The following PXDNL variants were observed in gnomAD, a reference collection of about 807,000 sequenced individuals.
PXDNL encodes the protein peroxidasin like.
PXDNL carries 145 observed loss-of-function variants against 150.8 expected under a neutral mutation model. The ratio of observed to expected loss-of-function variants is 0.96; its 90% CI spans 0.84 to 1.10. The LOEUF is 1.10. Ranked by LOEUF, PXDNL falls within the 50% of genes least tolerant of loss-of-function variation. The pLI is 0.00. For synonymous variants in PXDNL, 757 were observed against 725.7 expected (o/e 1.04, Z -0.69); for missense variants, 2,087 against 1,873.9 (o/e 1.11, Z -2.10).
chr8:51,559,375 G>T (rs1396248278), intron 3 of PXDNL, among the ~76,000 whole-genome samples: 2 of 126,668 alleles, frequency 1.6e-5, no homozygotes, highest in Non-Finnish European at 3.2e-5. Flanking sequence ...ATTTTATGAA[G>T]TTTATAGGGA....
At chr8:51,718,140 A>T (rs939561493) in intron 1 of PXDNL, among the ~76,000 whole-genome samples, 1 of 152,118 alleles carries the variant, frequency 6.6e-6, no homozygotes, top group Non-Finnish European at 1.5e-5. Context: ...AAGGAATAGG[A>T]GCATGGGCAA....
At chr8:51,428,971 A>AAATTCAACAGTATATAGTTCAACTATAT in intron 12 of PXDNL, among the ~76,000 whole-genome samples, 1 of 150,942 alleles carries the variant, frequency 6.6e-6, no homozygotes, top group South Asian at 2.1e-4. Flanking sequence ...AAAATATATA[A>AAATTCAACAGTATATAGTTCAACTATAT]AGAACCCAAA....
intron 2 of PXDNL, among the ~76,000 whole-genome samples, chr8:51,616,395 C>T (rs148400108): frequency 3.3e-5 from 5 of 152,096 alleles, no homozygotes; most frequent in African/African-American, 4.8e-5. Flanking sequence ...AACTTACCTT[C>T]GAAAGAGATT....
At position 51,453,598 on chromosome 8, in the gene PXDNL, T is replaced by A. The variant is rs774063210; in HGVS notation, c.1170A>T (p.Gln390His). 47 of 1,613,874 alleles carry A rather than the reference T, an allele frequency of 2.9e-5. No individual in the cohort carries two copies. The African/African-American group carries it at 6.1e-4, about 21-fold the overall frequency. Reference sequence around the variant, plus strand: ...GACAGGTAAATCGACCATGATCCCGTTGTGTGATGTTCTGTAAGTAAAGTC... The same window carrying A: ...GACAGGTAAATCGACCATGATCCCGATGTGTGATGTTCTGTAAGTAAAGTC... Reference protein sequence around the residue: ...SSGLYLQNITQRDHGRFTCHA... With the variant: ...SSGLYLQNITHRDHGRFTCHA... The change falls in exon 10 of 23, where the codon CAA (glutamine) becomes CAT (histidine). Residue 390 changes from glutamine to histidine, a missense_variant. Coordinates refer to ENST00000356297, the MANE Select transcript of PXDNL (RefSeq NM_144651.5).
At chr8:51,559,796 A>T (rs554255158) in intron 3 of PXDNL, among the ~76,000 whole-genome samples, 1 of 152,016 alleles carries the variant, frequency 6.6e-6, no homozygotes, top group Non-Finnish European at 1.5e-5. Context: ...CCTTGCTAGC[A>T]TGGGGTAACT....
chr8:51,358,443 G>T (rs767653247), intron 19 of PXDNL, among the ~76,000 whole-genome samples: 5 of 152,188 alleles, frequency 3.3e-5, no homozygotes, highest in South Asian at 2.1e-4. Flanking sequence ...CAGACCTTGT[G>T]TCGGTACATT....
intron 4 of PXDNL, among the ~76,000 whole-genome samples, chr8:51,536,734 G>A (rs952558051): frequency 6.6e-6 from 1 of 151,938 alleles, no homozygotes; most frequent in Non-Finnish European, 1.5e-5. Flanking sequence ...TGGCAAACAT[G>A]AATATTTGCT....
At chr8:51,675,771 C>G (rs948300619) in intron 1 of PXDNL, among the ~76,000 whole-genome samples, 1 of 122,098 alleles carries the variant, frequency 8.2e-6, no homozygotes, top group Non-Finnish European at 1.6e-5. Context: ...CCAGCCTGGG[C>G]GACACAGCAA....
At chr8:51,582,583 T>C (rs73588782) in intron 3 of PXDNL, among the ~76,000 whole-genome samples, 7,768 of 152,238 alleles carry the variant, frequency 0.051, 464 homozygotes, top group African/African-American at 0.15. Flanking sequence ...AATCCTACAT[T>C]ACCTTATCTG....
intron 1 of PXDNL, among the ~76,000 whole-genome samples, chr8:51,733,541 C>G (rs987222198): frequency 6.6e-6 from 1 of 152,136 alleles, no homozygotes; most frequent in African/African-American, 2.4e-5. Context: ...GGTATGGTAG[C>G]TGACGCCTGT....
chr8:51,529,243 T>C (rs1811832271), intron 4 of PXDNL, among the ~76,000 whole-genome samples: 1 of 152,194 alleles, frequency 6.6e-6, no homozygotes, highest in Non-Finnish European at 1.5e-5. Context: ...ATGTTACCCA[T>C]CGTCACTCCC....
intron 1 of PXDNL, among the ~76,000 whole-genome samples, chr8:51,720,274 A>G (rs1204948016): frequency 6.6e-6 from 1 of 151,458 alleles, no homozygotes; most frequent in African/African-American, 2.4e-5. Context: ...CTTATGTGAC[A>G]TATTATCCTT....
intron 4 of PXDNL, among the ~76,000 whole-genome samples, chr8:51,516,813 A>G (rs113510775): frequency 6.6e-6 from 1 of 152,188 alleles, no homozygotes. Flanking sequence ...TAAATTATGC[A>G]TTTAATAGAT....
intron 7 of PXDNL, among the ~76,000 whole-genome samples, chr8:51,473,310 C>CACACACACAA (rs1238216161): frequency 1.3e-5 from 2 of 151,192 alleles, no homozygotes; most frequent in African/African-American, 4.9e-5. Flanking sequence ...CACACACACA[C>CACACACACAA]AAATACATAT....
At chr8:51,593,152 G>A (rs1813481412) in intron 2 of PXDNL, among the ~76,000 whole-genome samples, 1 of 152,130 alleles carries the variant, frequency 6.6e-6, no homozygotes, top group African/African-American at 2.4e-5. Context: ...GTCAAACCAA[G>A]AGTCAATTAC....
At chr8:51,439,137 C>A (rs1809479883) in intron 12 of PXDNL, among the ~76,000 whole-genome samples, 1 of 152,110 alleles carries the variant, frequency 6.6e-6, no homozygotes, top group South Asian at 2.1e-4. Flanking sequence ...AGTAAACAGA[C>A]AACCCACAGA....
intron 2 of PXDNL, among the ~76,000 whole-genome samples, chr8:51,624,099 C>CAAAAAAAAAAAAAAAA (rs59841822): frequency 1.3e-5 from 1 of 79,584 alleles, no homozygotes; most frequent in Non-Finnish European, 2.3e-5. Context: ...TCTCAAATTA[C>CAAAAAAAAAAAAAAAA]AAAAAAAAAA....
chr8:51,435,717 T>G (rs1586104856), intron 12 of PXDNL: 4 of 289,876 alleles, frequency 1.4e-5, no homozygotes, highest in Non-Finnish European at 2.8e-5. Context: ...GCAGAGGAGG[T>G]GGAAGAAGAA....
intron 2 of PXDNL, among the ~76,000 whole-genome samples, chr8:51,641,712 G>T (rs531945848): frequency 6.6e-6 from 1 of 151,820 alleles, no homozygotes; most frequent in Non-Finnish European, 1.5e-5. Context: ...AACAACAGGT[G>T]CTGGAGAGGA....
Sources: gnomAD v4.1 joint callset for allele counts (sites outside exome capture counted in the v4.1 genomes callset) on GRCh38, gnomAD v4.1.1 for gene constraint, MANE v1.5 for transcripts, NCBI Gene and HGNC (gene_info 2026-07-23, HGNC 2026-07-21) for gene names.